The following ACTG2 variants were observed in gnomAD, a reference collection of about 807,000 sequenced individuals.
The protein encoded by ACTG2 is actin gamma 2, smooth muscle.
ACTG2 carries 16 observed loss-of-function variants against 37.6 expected under a neutral mutation model. The observed-to-expected ratio is 0.43, with a 90% confidence interval of 0.29 to 0.65. The LOEUF is 0.65. Ranked by LOEUF, ACTG2 falls within the 30% of genes least tolerant of loss-of-function variation. ACTG2 has a pLI of 0.18. For missense variants in ACTG2, 238 were observed against 490.9 expected, an observed-to-expected ratio of 0.48 and a Z score of 4.87; for synonymous variants, 181 against 179.9, an observed-to-expected ratio of 1.01 and a Z score of -0.05.
chr2:73,914,765 C>T lies in ACTG2; in HGVS notation c.699C>T (p.Ser233=). Residue 233 remains serine (S), a synonymous_variant, in exon 7 of 9, where the codon TCC becomes TCT. Coordinates refer to ENST00000345517, the MANE Select transcript of ACTG2 (RefSeq NM_001615.4). Reference sequence around the variant, plus strand: ...AGAATGAGATGGCCACAGCAGCTTCCTCTTCCTCCCTGGAGAAGAGCTATG... The same window carrying T: ...AGAATGAGATGGCCACAGCAGCTTCTTCTTCCTCCCTGGAGAAGAGCTATG... ...DFENEMATAA[S]SSSLEKSYEL... 1.2e-6 allele frequency: 2 copies of T among 1,612,644 alleles called. No homozygotes were observed. Among genetic ancestry groups the T allele is most frequent in the Non-Finnish European group, 1.7e-6 (2 of 1,179,210 alleles).
chr2:73,910,717 G>A (rs3107864), intron 5 of ACTG2, among the ~76,000 whole-genome samples: 91,484 of 150,872 alleles, frequency 0.61, 28,613 homozygotes, highest in Admixed American at 0.72. Context: ...TTTAAATGTC[G>A]ATCAGAAATT....
chr2:73,902,647 A>G (rs1393052267), intron 3 of ACTG2, 159 bp downstream of exon 3: 2 of 1,551,968 alleles, frequency 1.3e-6, no homozygotes, highest in Admixed American at 2.0e-5. Context: ...TCTCCAACCT[A>G]GGCTGCCAAC....
At chr2:73,897,724 G>A (rs1250893984) in intron 1 of ACTG2, among the ~76,000 whole-genome samples, 1 of 152,196 alleles carries the variant, frequency 6.6e-6, no homozygotes, top group East Asian at 1.9e-4. Flanking sequence ...TCAAAGTTCT[G>A]GAGGCTGGGA....
intron 7 of ACTG2, among the ~76,000 whole-genome samples, chr2:73,915,796 G>A (rs1249041070): frequency 6.6e-6 from 1 of 152,168 alleles, no homozygotes; most frequent in African/African-American, 2.4e-5. Flanking sequence ...ACCATATGGT[G>A]TATGATTCCA....
chr2:73,905,898 T>A (rs1365498610), intron 3 of ACTG2, among the ~76,000 whole-genome samples: 1 of 151,974 alleles, frequency 6.6e-6, no homozygotes, highest in Non-Finnish European at 1.5e-5. Flanking sequence ...TATATGATAG[T>A]ATATGATAAA....
At chr2:73,916,530 G>A (rs886648164) in intron 7 of ACTG2, 54 bp from the exon 8 acceptor site, 10 of 1,510,528 alleles carry the variant, frequency 6.6e-6, no homozygotes, top group Middle Eastern at 3.8e-4. Context: ...GGAGCTGGAG[G>A]TGTGCATATT....
chr2:73,906,810 A>C (rs1680027639), intron 3 of ACTG2, among the ~76,000 whole-genome samples: 1 of 152,206 alleles, frequency 6.6e-6, no homozygotes, highest in Non-Finnish European at 1.5e-5. Context: ...AAAAATTATC[A>C]ACATCTTTAA....
In ACTG2 at chr2:73,914,882, G is replaced by A; in HGVS notation, c.805+11G>A. On this transcript the variant is annotated intron_variant, in intron 7 of 8. Transcript: ENST00000345517. ...AGCCTTCCTTTATTGGTGAGGTGCT[G>A]CCCACAGTCCCTGCCAATCTCAGGA... The A allele has an allele frequency of 1.3e-6, 2 of 1,555,438 alleles. No homozygotes were observed. Among genetic ancestry groups the A allele is most frequent in the Non-Finnish European group, 1.7e-6 (2 of 1,143,514 alleles).
intron 8 of ACTG2, 33 bp downstream of exon 8, chr2:73,916,798 C>G (rs763535420): frequency 4.4e-6 from 7 of 1,603,704 alleles, no homozygotes; most frequent in Non-Finnish European, 3.4e-6. Flanking sequence ...CCATCCTGTT[C>G]TTTGTATAAA....
At chr2:73,903,939 C>CAAAAAAAAAAAA (rs61362643) in intron 3 of ACTG2, among the ~76,000 whole-genome samples, 85 of 89,978 alleles carry the variant, frequency 9.4e-4, no homozygotes, top group East Asian at 3.0e-3. Context: ...GACTCCGTCT[C>CAAAAAAAAAAAA]AAAAAAAAAA....
chr2:73,902,603 C>G (rs984617735), intron 3 of ACTG2, 115 bp downstream of exon 3: 1 of 1,556,986 alleles, frequency 6.4e-7, no homozygotes, highest in East Asian at 2.4e-5. Flanking sequence ...CTTCTCACTT[C>G]TGTCTTTCCT....
intron 1 of ACTG2, among the ~76,000 whole-genome samples, chr2:73,894,185 T>C (rs757366385): frequency 2.0e-5 from 3 of 152,168 alleles, no homozygotes; most frequent in Non-Finnish European, 4.4e-5. Flanking sequence ...CTGATTCCAG[T>C]AGGCCGAGAT....
intron 3 of ACTG2, among the ~76,000 whole-genome samples, chr2:73,904,765 GTGTGTGTGTGTGTA>G (rs1295780966): frequency 3.3e-5 from 2 of 60,020 alleles, no homozygotes; most frequent in Non-Finnish European, 6.0e-5. Flanking sequence ...GTGTGTGTGT[GTGTGTGTGTGTGTA>G]TATATATATA....
intron 8 of ACTG2, among the ~76,000 whole-genome samples, chr2:73,918,951 G>A (rs1183994252): frequency 2.0e-5 from 3 of 152,182 alleles, no homozygotes; most frequent in African/African-American, 7.2e-5. Context: ...TTTATTACTC[G>A]TGCATCTGCG....
intron 3 of ACTG2, chr2:73,908,330 G>A (rs184183916): frequency 8.3e-6 from 4 of 479,998 alleles, no homozygotes; most frequent in African/African-American, 5.9e-5. Context: ...ATAGCCAGAA[G>A]CCAGAAAGCA....
At chr2:73,903,889 G>T (rs1431104163) in intron 3 of ACTG2, among the ~76,000 whole-genome samples, 1 of 138,954 alleles carries the variant, frequency 7.2e-6, no homozygotes, top group African/African-American at 2.6e-5. Flanking sequence ...GCAGTGAGCC[G>T]AGATTGTGCC....
At chr2:73,902,783 T>G in intron 3 of ACTG2, 2 of 1,545,024 alleles carry the variant, frequency 1.3e-6, no homozygotes, top group Non-Finnish European at 1.7e-6. Context: ...CTCATGTCAC[T>G]CACCTCCTCA....
chr2:73,919,440 T>C lies in ACTG2; in HGVS notation c.996T>C (p.Ala332=), dbSNP rs1453772069. Residue 332 remains alanine (A), a synonymous_variant, in exon 9 of 9, where the codon GCT becomes GCC. Transcript: ENST00000345517. ...APSTMKIKII[A]PPERKYSVWI... ...ACATTTGTTCTTTGCAGATTATTGCTCCCCCAGAGCGGAAGTACTCAGTCT... is the reference window on the plus strand; with the variant it reads ...ACATTTGTTCTTTGCAGATTATTGCCCCCCCAGAGCGGAAGTACTCAGTCT... The C allele has an allele frequency of 3.7e-6, 6 of 1,613,246 alleles. No homozygotes were observed. In the Admixed American group the frequency reaches 6.7e-5, roughly 18 times the overall value.
chr2:73,909,930 C>T (rs902223022), intron 5 of ACTG2, among the ~76,000 whole-genome samples: 1 of 152,074 alleles, frequency 6.6e-6, no homozygotes, highest in Non-Finnish European at 1.5e-5. Context: ...AAATATTATT[C>T]TTGGCCAGGC....
Sources: gnomAD v4.1 joint callset for allele counts (sites outside exome capture counted in the v4.1 genomes callset) on GRCh38, gnomAD v4.1.1 for gene constraint, MANE v1.5 for transcripts, NCBI Gene and HGNC (gene_info 2026-07-23, HGNC 2026-07-21) for gene names.